LRRFIP1: variants seen among roughly 807,000 people sequenced by gnomAD.
LRRFIP1 encodes the protein LRR binding FLII interacting protein 1, also known as leucine-rich repeat flightless-interacting protein 1.
A neutral mutation model predicts 104.4 loss-of-function variants in LRRFIP1; 62 were observed. That is an observed-to-expected ratio of 0.59 (90% confidence interval 0.48 to 0.73). The LOEUF (loss-of-function observed/expected upper bound fraction) is 0.73. LRRFIP1 is among the 30% of genes least tolerant of loss of function. LRRFIP1 has a pLI of 0.00. For synonymous variants in LRRFIP1, 300 were observed against 299.0 expected (o/e 1.00, Z -0.03); for missense variants, 796 against 824.5 (o/e 0.97, Z 0.42).
chr2:237,776,219 C>G (rs1466601874), intron 23 of LRRFIP1, among the ~76,000 whole-genome samples: 2 of 152,192 alleles, frequency 1.3e-5, no homozygotes, highest in African/African-American at 2.4e-5. Context: ...CTTGGCCTCC[C>G]AAAGTGCTGG....
intron 15 of LRRFIP1, among the ~76,000 whole-genome samples, chr2:237,755,807 G>A (rs1277963196): frequency 5.9e-5 from 9 of 152,166 alleles, no homozygotes; most frequent in African/African-American, 1.7e-4. Flanking sequence ...GGAGGCAGGC[G>A]CCTGTATTCC....
chr2:237,776,832 G>T (rs2061138290), intron 23 of LRRFIP1, among the ~76,000 whole-genome samples: 1 of 152,116 alleles, frequency 6.6e-6, no homozygotes, highest in Non-Finnish European at 1.5e-5. Flanking sequence ...GGTGGCGGTG[G>T]CTCTTAGTTG....
intron 6 of LRRFIP1, 132 bp from the exon 7 acceptor site, chr2:237,723,416 A>G: frequency 2.3e-6 from 2 of 862,540 alleles, no homozygotes; most frequent in Non-Finnish European, 3.7e-6. Context: ...TAGATCCTAG[A>G]AATTATGGAA....
At chr2:237,756,279 A>G in intron 16 of LRRFIP1, 92 bp downstream of exon 16, 1 of 864,332 alleles carries the variant, frequency 1.2e-6, no homozygotes, top group Non-Finnish European at 1.9e-6. Flanking sequence ...GCAGTAATAA[A>G]ATACCATACA....
chr2:237,750,326 C>CTTTTTTTTTTTTTTTTTTTTT (rs928510240), intron 13 of LRRFIP1, among the ~76,000 whole-genome samples: 1 of 60,704 alleles, frequency 1.6e-5, no homozygotes, highest in African/African-American at 6.4e-5. Context: ...TTCTTTCTTT[C>CTTTTTTTTTTTTTTTTTTTTT]TTTTTTTTTT....
At chr2:237,690,484 C>A (rs1187913289) in intron 1 of LRRFIP1, among the ~76,000 whole-genome samples, 1 of 152,086 alleles carries the variant, frequency 6.6e-6, no homozygotes, top group Admixed American at 6.6e-5. Flanking sequence ...CACCTGTAAT[C>A]CCAGCACTTT....
intron 7 of LRRFIP1, among the ~76,000 whole-genome samples, chr2:237,725,315 C>T (rs902953320): frequency 6.6e-6 from 1 of 152,066 alleles, no homozygotes; most frequent in African/African-American, 2.4e-5. Context: ...AGCATGGAAC[C>T]AGCAAAGTGA....
chr2:237,684,644 G>A (rs1430973909), intron 1 of LRRFIP1, among the ~76,000 whole-genome samples: 1 of 152,134 alleles, frequency 6.6e-6, no homozygotes, highest in Non-Finnish European at 1.5e-5. Flanking sequence ...CTGAGAGCAT[G>A]TATAGATTTT....
At chr2:237,733,894 G>A (rs772141798) in intron 9 of LRRFIP1, 76 bp downstream of exon 9, 27 of 1,500,454 alleles carry the variant, frequency 1.8e-5, no homozygotes, top group Admixed American at 8.6e-5. Context: ...GCCCAGAGCC[G>A]GGGATGTGCC....
intron 1 of LRRFIP1, among the ~76,000 whole-genome samples, chr2:237,633,049 T>G (rs2082617937): frequency 6.6e-6 from 1 of 152,204 alleles, no homozygotes; most frequent in South Asian, 2.1e-4. Flanking sequence ...CCCTGCCCCT[T>G]TGTTCCACAG....
intron 14 of LRRFIP1, among the ~76,000 whole-genome samples, chr2:237,752,330 T>C (rs1151796): frequency 0.99 from 150,043 of 152,266 alleles, 73,935 homozygotes; most frequent in East Asian, 1. Flanking sequence ...CACTTGAACC[T>C]GGCAGGTGGA....
intron 1 of LRRFIP1, among the ~76,000 whole-genome samples, chr2:237,659,695 T>C (rs2087495875): frequency 6.6e-6 from 1 of 151,416 alleles, no homozygotes; most frequent in Admixed American, 6.6e-5. Flanking sequence ...TAGGCTAGAG[T>C]ACAGCGGTGC....
At chr2:237,631,188 G>C (rs1645849714) in intron 1 of LRRFIP1, among the ~76,000 whole-genome samples, 1 of 152,260 alleles carries the variant, frequency 6.6e-6, no homozygotes, top group Non-Finnish European at 1.5e-5. Flanking sequence ...TGGCACCCAA[G>C]AACATGCCTT....
At chr2:237,773,010 C>T (rs959432399) in intron 22 of LRRFIP1, 65 bp downstream of exon 22, 2 of 1,367,188 alleles carry the variant, frequency 1.5e-6, no homozygotes, top group Admixed American at 3.5e-5. Flanking sequence ...AGAAATAGCC[C>T]TGAAAGGCTG....
intron 1 of LRRFIP1, among the ~76,000 whole-genome samples, chr2:237,646,250 T>C (rs115396999): frequency 0.024 from 3,620 of 152,070 alleles, 138 homozygotes; most frequent in African/African-American, 0.082. Context: ...ATTACATTTT[T>C]TTCTTCAACT....
intron 1 of LRRFIP1, among the ~76,000 whole-genome samples, chr2:237,693,037 G>C (rs2092923871): frequency 6.6e-6 from 1 of 152,062 alleles, no homozygotes. Context: ...TCCCGGGTCC[G>C]CCCAGCGCGG....
intron 10 of LRRFIP1, among the ~76,000 whole-genome samples, chr2:237,736,949 T>C (rs2150400161): frequency 6.6e-6 from 1 of 152,288 alleles, no homozygotes; most frequent in Non-Finnish European, 1.5e-5. Context: ...CTGCTCTCGG[T>C]CCAGCGTGTA....
chr2:237,776,860 T>G (rs956459051), intron 23 of LRRFIP1, among the ~76,000 whole-genome samples: 2 of 152,190 alleles, frequency 1.3e-5, no homozygotes, highest in South Asian at 4.1e-4. Flanking sequence ...AATCTGTGGA[T>G]CTTAATAGAG....
At chr2:237,637,143 C>CA (rs950309707) in intron 1 of LRRFIP1, among the ~76,000 whole-genome samples, 7 of 152,022 alleles carry the variant, frequency 4.6e-5, no homozygotes, top group South Asian at 2.1e-4. Context: ...GATAGTAAAA[C>CA]AAAAAAATAT....
Sources: gnomAD v4.1 joint callset for allele counts (sites outside exome capture counted in the v4.1 genomes callset) on GRCh38, gnomAD v4.1.1 for gene constraint, MANE v1.5 for transcripts, NCBI Gene and HGNC (gene_info 2026-07-23, HGNC 2026-07-21) for gene names.